Variants in ADK observed in about 807,000 individuals in gnomAD.
The protein encoded by ADK is adenosine kinase.
In ADK, 24 loss-of-function variants were observed where a neutral mutation model predicts 44.7. That is an observed-to-expected ratio of 0.54 (90% CI 0.39 to 0.76). The LOEUF is 0.76. ADK is among the 30% of genes least tolerant of loss of function. The pLI is 0.00. For synonymous variants in ADK, 128 were observed against 142.6 expected, an observed-to-expected ratio of 0.90 and a Z score of 0.73; for missense variants, 321 against 425.1, an observed-to-expected ratio of 0.76 and a Z score of 2.15.
At chr10:74,665,744 AG>A (rs1854925332) in intron 9 of ADK, among the ~76,000 whole-genome samples, 1 of 78,198 alleles carries the variant, frequency 1.3e-5, no homozygotes, top group African/African-American at 6.0e-5. Flanking sequence ...CTTGAGAGAG[AG>A]AGAGAGAGAG....
intron 7 of ADK, among the ~76,000 whole-genome samples, chr10:74,561,459 G>T (rs569478793): frequency 1.3e-5 from 2 of 152,266 alleles, no homozygotes; most frequent in Admixed American, 1.3e-4. Flanking sequence ...AAGGGATCAG[G>T]CATCAAGATA....
chr10:74,387,217 G>A (rs1405046004), intron 4 of ADK, among the ~76,000 whole-genome samples: 7 of 152,206 alleles, frequency 4.6e-5, no homozygotes, highest in Non-Finnish European at 1.0e-4. Context: ...TTACAGGCGT[G>A]AGCCACTGCG....
At chr10:74,271,877 A>G (rs891792463) in intron 3 of ADK, among the ~76,000 whole-genome samples, 1 of 152,122 alleles carries the variant, frequency 6.6e-6, no homozygotes, top group Non-Finnish European at 1.5e-5. Context: ...TTTTCATATT[A>G]GCTTGAACTT....
chr10:74,193,567 T>C (rs1843025015), intron 1 of ADK, among the ~76,000 whole-genome samples: 1 of 152,172 alleles, frequency 6.6e-6, no homozygotes. Context: ...GAAGTATAGC[T>C]TGAGCCCAAG....
At chr10:74,413,462 C>A (rs1368898037) in intron 6 of ADK, among the ~76,000 whole-genome samples, 1 of 152,184 alleles carries the variant, frequency 6.6e-6, no homozygotes. Context: ...GAGATTGCTT[C>A]TTTCTTTCAA....
intron 1 of ADK, chr10:74,177,001 C>T: frequency 1.4e-6 from 2 of 1,440,150 alleles, no homozygotes; most frequent in Non-Finnish European, 1.9e-6. Context: ...CCTCTGGTCC[C>T]CCTCGTGTTG....
At chr10:74,608,850 C>G (rs1852435991) in intron 9 of ADK, among the ~76,000 whole-genome samples, 1 of 152,138 alleles carries the variant, frequency 6.6e-6, no homozygotes, top group South Asian at 2.1e-4. Flanking sequence ...GGTGCTCTGT[C>G]CCAGAGAGAT....
chr10:74,458,453 A>T (rs1441720530), intron 6 of ADK, among the ~76,000 whole-genome samples: 1 of 151,880 alleles, frequency 6.6e-6, no homozygotes, highest in Non-Finnish European at 1.5e-5. Context: ...GAAACATTTT[A>T]GTGCAGAATA....
At chr10:74,471,138 G>A (rs1846570842) in intron 6 of ADK, among the ~76,000 whole-genome samples, 1 of 149,396 alleles carries the variant, frequency 6.7e-6, no homozygotes, top group South Asian at 2.1e-4. Context: ...GCAGTGGTAT[G>A]ATCTCTGCTC....
At chr10:74,527,684 A>G in intron 7 of ADK, 1 of 1,169,916 alleles carries the variant, frequency 8.5e-7, no homozygotes, top group Non-Finnish European at 1.3e-6. Flanking sequence ...TGTGTCAAAA[A>G]TGCCTCTCTT....
At chr10:74,388,995 A>G (rs1843248912) in intron 4 of ADK, among the ~76,000 whole-genome samples, 1 of 152,182 alleles carries the variant, frequency 6.6e-6, no homozygotes. Flanking sequence ...GAGTACCTGC[A>G]TGATGTCAGG....
intron 10 of ADK, among the ~76,000 whole-genome samples, chr10:74,673,915 T>C (rs1379142244): frequency 6.6e-6 from 1 of 152,146 alleles, no homozygotes; most frequent in African/African-American, 2.4e-5. Flanking sequence ...CATCAAGCTG[T>C]CCCTCTGAAG....
intron 6 of ADK, among the ~76,000 whole-genome samples, chr10:74,500,667 G>A (rs970372480): frequency 4.6e-5 from 7 of 152,134 alleles, no homozygotes; most frequent in Non-Finnish European, 1.0e-4. Context: ...CAATGTCTGA[G>A]TAATATATGG....
At chr10:74,330,722 G>T (rs1439974257) in intron 4 of ADK, among the ~76,000 whole-genome samples, 1 of 152,148 alleles carries the variant, frequency 6.6e-6, no homozygotes, top group Non-Finnish European at 1.5e-5. Context: ...CCTTCCAGCG[G>T]CAACCAGCAC....
intron 1 of ADK, among the ~76,000 whole-genome samples, chr10:74,183,992 C>T (rs1842655474): frequency 6.6e-6 from 1 of 152,114 alleles, no homozygotes; most frequent in African/African-American, 2.4e-5. Context: ...TCTCAGCTCA[C>T]CGCAACCTCC....
intron 6 of ADK, among the ~76,000 whole-genome samples, chr10:74,512,318 T>C (rs1171215163): frequency 2.0e-5 from 3 of 152,096 alleles, no homozygotes; most frequent in African/African-American, 7.2e-5. Context: ...TAGAATCAAT[T>C]AGGAAGTATT....
At chr10:74,616,096 C>G (rs1233895593) in intron 9 of ADK, among the ~76,000 whole-genome samples, 2 of 152,064 alleles carry the variant, frequency 1.3e-5, no homozygotes, top group East Asian at 3.8e-4. Context: ...ATTTAGAAAT[C>G]TTTTTACAGC....
intron 10 of ADK, among the ~76,000 whole-genome samples, chr10:74,680,374 T>C (rs540077961): frequency 5.9e-5 from 9 of 152,272 alleles, no homozygotes; most frequent in Admixed American, 2.0e-4. Context: ...ATGTGATTTG[T>C]ATTTTGTTAA....
intron 1 of ADK, chr10:74,176,371 A>T: frequency 2.4e-6 from 2 of 825,718 alleles, no homozygotes; most frequent in Non-Finnish European, 2.9e-6. Flanking sequence ...GCAGGCTGTT[A>T]AATCCCACTC....
Sources: allele counts gnomAD v4.1 joint callset (sites outside exome capture counted in the v4.1 genomes callset), GRCh38; gene constraint gnomAD v4.1.1; transcripts MANE v1.5; gene names NCBI Gene and HGNC (gene_info 2026-07-23, HGNC 2026-07-21).